The following KCNIP4 variants were observed in gnomAD, a reference collection of about 807,000 sequenced individuals.
KCNIP4 encodes the protein Kv channel-interacting protein 4.
KCNIP4 carries 12 observed loss-of-function variants against 34.0 expected under a neutral mutation model. That is an observed-to-expected ratio of 0.35 (90% CI 0.23 to 0.57). The LOEUF is 0.57. Among genes scored for constraint, KCNIP4 ranks in the 20% least tolerant of loss-of-function variants. The pLI is 0.83. For missense variants in KCNIP4, 238 were observed against 311.7 expected, an observed-to-expected ratio of 0.76 and a Z score of 1.78; for synonymous variants, 124 against 102.2, an observed-to-expected ratio of 1.21 and a Z score of -1.29.
chr4:21,536,071 AAACTC>A, intron 1 of KCNIP4, among the ~76,000 whole-genome samples: 1 of 152,082 alleles, frequency 6.6e-6, no homozygotes, highest in African/African-American at 2.4e-5. Context: ...TCACCCAAAC[AAACTC>A]TCACAGAAAC....
At chr4:20,935,717 G>A (rs1730991234) in intron 1 of KCNIP4, among the ~76,000 whole-genome samples, 2 of 152,120 alleles carry the variant, frequency 1.3e-5, no homozygotes, top group South Asian at 4.1e-4. Flanking sequence ...CTTAGCAGAT[G>A]CAACTAAAGA....
intron 1 of KCNIP4, among the ~76,000 whole-genome samples, chr4:21,580,404 T>G (rs1741118001): frequency 6.6e-6 from 1 of 152,148 alleles, no homozygotes; most frequent in Non-Finnish European, 1.5e-5. Flanking sequence ...GCCAGCCTTC[T>G]TTGTATACGA....
Position 21,655,839 on chromosome 4 carries a change from T to C in KCNIP4, c.61+292732A>G, listed in dbSNP as rs554236772. Among the ~76,000 whole-genome samples, 16 of 152,350 alleles carry C rather than the reference T, an allele frequency of 1.1e-4. No homozygotes were observed. In the South Asian group the frequency reaches 2.9e-3, roughly 28 times the overall value. On this transcript the variant is annotated intron_variant, in intron 1 of 8. Coordinates refer to ENST00000382152, the MANE Select transcript of KCNIP4 (RefSeq NM_025221.6). ...GCATAAATTTTTGCCCCAAATGTGT[T>C]CTGCAAAATATTGATTATTATGAAT...
At chr4:21,791,865 G>A (rs542091696) in intron 1 of KCNIP4, among the ~76,000 whole-genome samples, 2 of 152,020 alleles carry the variant, frequency 1.3e-5, no homozygotes, top group Admixed American at 6.6e-5. Flanking sequence ...AGCCAGGTGT[G>A]GTAGTGCATG....
chr4:21,074,843 G>A (rs1745327736), intron 1 of KCNIP4, among the ~76,000 whole-genome samples: 1 of 152,110 alleles, frequency 6.6e-6, no homozygotes, highest in South Asian at 2.1e-4. Flanking sequence ...TTGTGTCTTT[G>A]TTCTTGTTGG....
At chr4:21,462,592 T>C (rs969343370) in intron 1 of KCNIP4, among the ~76,000 whole-genome samples, 1 of 152,090 alleles carries the variant, frequency 6.6e-6, no homozygotes, top group South Asian at 2.1e-4. Context: ...TAGCCACTAT[T>C]CAATTCTCTA....
intron 1 of KCNIP4, among the ~76,000 whole-genome samples, chr4:21,079,041 C>A (rs1836091): frequency 0.51 from 77,356 of 151,848 alleles, 21,359 homozygotes; most frequent in African/African-American, 0.74. Flanking sequence ...TCATATTAGC[C>A]ACTGCACTTA....
At chr4:21,466,358 C>A (rs1729938963) in intron 1 of KCNIP4, among the ~76,000 whole-genome samples, 1 of 152,132 alleles carries the variant, frequency 6.6e-6, no homozygotes, top group African/African-American at 2.4e-5. Flanking sequence ...AAGATGGCCC[C>A]CTAATCTAGG....
chr4:21,341,169 G>C (rs569797273), intron 1 of KCNIP4, among the ~76,000 whole-genome samples: 2 of 152,114 alleles, frequency 1.3e-5, no homozygotes, highest in African/African-American at 4.8e-5. Context: ...CTAGGAAGAG[G>C]GAGGGAAGGA....
intron 1 of KCNIP4, among the ~76,000 whole-genome samples, chr4:21,810,098 A>G (rs1273552023): frequency 3.9e-5 from 6 of 152,204 alleles, no homozygotes; most frequent in African/African-American, 1.4e-4. Flanking sequence ...GGACAGAGAA[A>G]GACACCATGA....
chr4:21,445,036 A>G (rs962021656), intron 1 of KCNIP4, among the ~76,000 whole-genome samples: 4 of 152,228 alleles, frequency 2.6e-5, no homozygotes, highest in Non-Finnish European at 5.9e-5. Context: ...TGCTTCAAAG[A>G]GAATAAAATA....
intron 1 of KCNIP4, among the ~76,000 whole-genome samples, chr4:21,424,601 G>A (rs1443669687): frequency 7.0e-6 from 1 of 143,624 alleles, no homozygotes; most frequent in Non-Finnish European, 1.6e-5. Flanking sequence ...GAAAGAAAGA[G>A]AGAAAAAGAA....
rs1560475635 is a variant in KCNIP4 at position 20,802,242 on chromosome 4, C to CTA, written c.289-43354_289-43353dup. ...ATGCTATACATATGCTACATATATG[C>CTA]TATATATATGCTACATATATGCTAT... is the stretch of plus-strand genomic sequence containing the variant. On this transcript the variant is annotated intron_variant, in intron 3 of 8. Transcript: ENST00000382152. Among the ~76,000 whole-genome samples the CTA allele has an allele frequency of 8.9e-4, 125 of 139,740 alleles. 15 individuals carry two copies. Among genetic ancestry groups the CTA allele is most frequent in the African/African-American group, 3.0e-3 (112 of 37,748 alleles). The allele number at this position is 139,740 out of a possible 152,430, so 91.7% of individuals were successfully genotyped here. A position where few individuals can be genotyped will look rare whatever the true frequency, so the allele number is the denominator to read the frequency against.
chr4:21,668,683 C>T (rs1327879547), intron 1 of KCNIP4, among the ~76,000 whole-genome samples: 1 of 152,034 alleles, frequency 6.6e-6, no homozygotes, highest in South Asian at 2.1e-4. Flanking sequence ...CTTTGATAAT[C>T]CACAAAAGTA....
chr4:20,748,415 GC>G (rs969319126), intron 5 of KCNIP4, among the ~76,000 whole-genome samples: 9 of 151,768 alleles, frequency 5.9e-5, no homozygotes, highest in Non-Finnish European at 1.5e-5. Context: ...AGGCTTCCCT[GC>G]TACAGCCCCT....
chr4:21,073,386 T>A (rs182543779), intron 1 of KCNIP4, among the ~76,000 whole-genome samples: 173 of 152,304 alleles, frequency 1.1e-3, no homozygotes, highest in African/African-American at 4.0e-3. Context: ...GATTCCTAGG[T>A]ATTTTATTCT....
intron 3 of KCNIP4, among the ~76,000 whole-genome samples, chr4:20,790,295 T>C (rs1368651882): frequency 6.6e-6 from 1 of 152,166 alleles, no homozygotes; most frequent in Non-Finnish European, 1.5e-5. Flanking sequence ...AATCAACAAA[T>C]GAATAGTGAG....
intron 1 of KCNIP4, among the ~76,000 whole-genome samples, chr4:21,556,469 A>G (rs1739017987): frequency 6.6e-6 from 1 of 152,144 alleles, no homozygotes; most frequent in African/African-American, 2.4e-5. Flanking sequence ...AATTTATGAG[A>G]GTGATTAGCC....
At chr4:21,501,566 A>G (rs1440151054) in intron 1 of KCNIP4, among the ~76,000 whole-genome samples, 1 of 152,058 alleles carries the variant, frequency 6.6e-6, no homozygotes, top group African/African-American at 2.4e-5. Flanking sequence ...GAGATGAACA[A>G]AAAGGTTTTG....
Sources: gnomAD v4.1 joint callset for allele counts (sites outside exome capture counted in the v4.1 genomes callset) on GRCh38, gnomAD v4.1.1 for gene constraint, MANE v1.5 for transcripts, NCBI Gene and HGNC (gene_info 2026-07-23, HGNC 2026-07-21) for gene names.